The following CHD3 variants were observed in gnomAD, a reference collection of about 807,000 sequenced individuals.
CHD3 encodes ATP-dependent chromatin remodeler CHD3.
A neutral mutation model predicts 248.9 loss-of-function variants in CHD3; 52 were observed. That is an observed-to-expected ratio of 0.21 (90% confidence interval 0.17 to 0.26). The LOEUF (loss-of-function observed/expected upper bound fraction) is 0.26, where lower values mean the gene tolerates loss of function less well. CHD3 is among the 10% of genes least tolerant of loss of function. The pLI is 1.00. For missense variants in CHD3, 1,482 were observed against 2,605.8 expected (o/e 0.57, Z 9.39); for synonymous variants, 985 against 985.2 (o/e 1.00, Z 0.00).
At chr17:7,888,715 T>TA, upstream of CHD3, 1 of 742,686 alleles carries the variant, frequency 1.3e-6, no homozygotes, top group Non-Finnish European at 1.8e-6. Flanking sequence ...CCTGAGAGTG[T>TA]GTGTGGGTGT....
chr17:7,909,347 C>T lies in CHD3; in HGVS notation c.5590+9C>T, dbSNP rs1222176853. ...CGCCGTCCTGCACAAGGGTAAGGGC[C>T]GCGGCGGCCCCGCGCGGGGGAGGGC... is the stretch of plus-strand genomic sequence containing the variant. On this transcript the variant is annotated intron_variant, in intron 37 of 39. Transcript: ENST00000330494. This position sits in a 1 kb window ranked among gnomAD's most constrained non-coding sequence, Gnocchi z 8.1. 3 of 1,537,712 alleles carry T rather than the reference C, an allele frequency of 2.0e-6. No homozygotes were observed. The highest frequency in any genetic ancestry group is 2.4e-5 in the South Asian group (2 of 83,254).
chr17:7,888,749 C>T, upstream of CHD3: 1 of 1,295,400 alleles, frequency 7.7e-7, no homozygotes, highest in Non-Finnish European at 9.9e-7. Flanking sequence ...CGCGCGCGTG[C>T]TTTTGAGAAG....
In CHD3 at chr17:7,904,638, G is replaced by A. The variant is rs202017045; in HGVS notation, c.4072+19G>A. The A allele has an allele frequency of 7.3e-5, 117 of 1,605,474 alleles. No homozygotes were observed. The highest frequency in any genetic ancestry group is 2.6e-5 in the Non-Finnish European group (31 of 1,173,482). On this transcript the variant is annotated intron_variant, in intron 25 of 39. Coordinates refer to ENST00000330494, the MANE Select transcript of CHD3 (RefSeq NM_001005273.3). This position sits in a 1 kb window ranked among gnomAD's most constrained non-coding sequence, Gnocchi z 4.4. The stretch of plus-strand genomic sequence containing the variant: ...GACCAAGGTGAGGACTGCCCCAGAT[G>A]CAGGCAGTAAAGGGGGGAAGTGATG...
At chr17:7,886,140 TG>T (rs545989391), upstream of CHD3, among the ~76,000 whole-genome samples, 4 of 152,174 alleles carry the variant, frequency 2.6e-5, no homozygotes, top group East Asian at 7.7e-4. This position sits in a 1 kb window ranked among gnomAD's most constrained non-coding sequence, Gnocchi z 4.2. Context: ...CTGAGCACGT[TG>T]GGGGGCGTGA....
Position 7,893,379 on chromosome 17 carries a change from C to T in CHD3, c.603C>T (p.Pro201=). 1.9e-6 allele frequency: 3 copies of T among 1,613,860 alleles called. No homozygotes were observed. Among genetic ancestry groups the T allele is most frequent in the South Asian group, 2.2e-5 (2 of 91,046 alleles). ...GGAGAGAGTTCAGTGCCAACAACCC[C>T]TTCAAGGGGTCAGCAGCTGCTGTGG... The part of the protein sequence containing the change: ...AKWREFSANN[P]FKGSAAAVAA... The change falls in exon 5 of 40, where the codon CCC becomes CCT. Residue 201 remains proline, a synonymous_variant. Coordinates refer to ENST00000330494, the MANE Select transcript of CHD3 (RefSeq NM_001005273.3).
At position 7,903,633 on chromosome 17, in the gene CHD3, C is replaced by A; in HGVS notation, c.3727+130C>A. The A allele has an allele frequency of 2.0e-6, 2 of 1,005,660 alleles. No individual in the cohort carries two copies. The highest frequency in any genetic ancestry group is 2.9e-6 in the Non-Finnish European group (2 of 687,978). The allele number at this position is 1,005,660 out of a possible 1,614,324, so 62.3% of individuals were successfully genotyped here. On this transcript the variant is annotated intron_variant, in intron 23 of 39. Coordinates refer to ENST00000330494, the MANE Select transcript of CHD3 (RefSeq NM_001005273.3). This position sits in a 1 kb window ranked among gnomAD's most constrained non-coding sequence, Gnocchi z 6.8. ...AGGAAGGAGAGCCTTCTTTTAGTAG[C>A]CCTTGGAGGAAGGTTGGCCTCTTTC...
At position 7,910,626 on chromosome 17, in the gene CHD3, G is replaced by C; in HGVS notation, c.5754+35G>C. 6.3e-7 allele frequency: 1 copy of C among 1,590,654 alleles called. No individual in the cohort carries two copies. Among genetic ancestry groups the C allele is most frequent in the Non-Finnish European group, 8.5e-7 (1 of 1,170,186 alleles). On this transcript the variant is annotated intron_variant, in intron 38 of 39. Transcript: ENST00000330494. This position sits in a 1 kb window ranked among gnomAD's most constrained non-coding sequence, Gnocchi z 4.7. The stretch of plus-strand genomic sequence containing the variant: ...TTTCCCCCTAGCTCCAGTTTTCCCT[G>C]TTTGTGTTCCTCCTGCACACATACA...
Position 7,911,511 on chromosome 17 carries a change from G to A in CHD3, c.5929G>A (p.Val1977Met), listed in dbSNP as rs138058125. The A allele has an allele frequency of 6.2e-7, 1 of 1,614,082 alleles. No individual in the cohort carries two copies. The highest frequency in any genetic ancestry group is 1.1e-5 in the South Asian group (1 of 91,096). ...GCTTGTGAAGAAGGAGAAGGAAATG[G>A]TGGGGGCATTGGTGTCAGACGGGCT... The part of the protein sequence containing the change: ...PVLVKKEKEM[V>M]GALVSDGLDR... Residue 1977 changes from valine (V) to methionine (M), a missense_variant, in exon 40 of 40, where the codon GTG becomes ATG. Val to Met is a conservative substitution (Grantham distance 21, BLOSUM62 1). Coordinates refer to ENST00000330494, the MANE Select transcript of CHD3 (RefSeq NM_001005273.3). The surrounding 1 kb of genome is among the most constrained non-coding windows in gnomAD (Gnocchi z 5.4).
rs762127995 is a variant in CHD3 at position 7,898,608 on chromosome 17, A to G, written c.2151+13A>G. 1.9e-6 allele frequency: 3 copies of G among 1,596,120 alleles called. No individual in the cohort carries two copies. The Admixed American group carries it at 5.1e-5, about 27-fold the overall frequency. ...TCCCACTAATGATGTGAGTCCTCTC[A>G]GTTGTCATTTCTTGTTTCTGGAGTG... On this transcript the variant is annotated intron_variant, in intron 13 of 39. Coordinates refer to ENST00000330494, the MANE Select transcript of CHD3 (RefSeq NM_001005273.3).
In CHD3 at chr17:7,908,297, C is replaced by T. The variant is rs9899375; in HGVS notation, c.5153-105C>T. ...CTTTACCCATTCCTCTTCAGGAGCC[C>T]TTAGTTCCCTTTCATTATTCAGTTT... is the stretch of plus-strand genomic sequence containing the variant. On this transcript the variant is annotated intron_variant, in intron 34 of 39. Coordinates refer to ENST00000330494, the MANE Select transcript of CHD3 (RefSeq NM_001005273.3). This position sits in a 1 kb window ranked among gnomAD's most constrained non-coding sequence, Gnocchi z 5.8. 1.9e-3 allele frequency: 1,841 copies of T among 969,130 alleles called. 20 individuals carry two copies. In the African/African-American group the frequency reaches 0.027, roughly 14 times the overall value. The allele number at this position is 969,130 out of a possible 1,614,324, so 60.0% of individuals were successfully genotyped here.
At chr17:7,893,242 G>T in intron 4 of CHD3, 44 bp from the exon 5 acceptor site, 2 of 1,543,334 alleles carry the variant, frequency 1.3e-6, no homozygotes, top group African/African-American at 1.4e-5. Context: ...AGTGTTCCCA[G>T]ACCATCTGTG....
chr17:7,898,248 G>A, intron 12 of CHD3, 146 bp downstream of exon 12: 1 of 968,854 alleles, frequency 1.0e-6, no homozygotes, highest in Non-Finnish European at 1.5e-6. Flanking sequence ...TTTGAGATAG[G>A]CTTGCTAAAG....
Position 7,904,439 on chromosome 17 carries a change from C to G in CHD3, c.3895-3C>G. On this transcript the variant is annotated splice_region_variant and splice_polypyrimidine_tract_variant and intron_variant, in intron 24 of 39. Coordinates refer to ENST00000330494, the MANE Select transcript of CHD3 (RefSeq NM_001005273.3). The surrounding 1 kb of genome is among the most constrained non-coding windows in gnomAD (Gnocchi z 4.4). ...AGTGTTCATTCATTCTGTTGCCCTT[C>G]AGATTGAGGAAATTGAGCGAGAGAT... 1 of 1,611,538 alleles carries G rather than the reference C, an allele frequency of 6.2e-7. No individual in the cohort carries two copies. The highest frequency in any genetic ancestry group is 8.5e-7 in the Non-Finnish European group (1 of 1,178,168).
chr17:7,892,294 A>G (rs546657180), intron 4 of CHD3, among the ~76,000 whole-genome samples: 1 of 152,238 alleles, frequency 6.6e-6, no homozygotes, highest in South Asian at 2.1e-4. Context: ...ACGGAAGCCC[A>G]TCTTCAGGGC....
At position 7,911,734 on chromosome 17, in the gene CHD3, C is replaced by G; in HGVS notation, c.*149C>G. On this transcript the variant is annotated 3_prime_UTR_variant, in exon 40 of 40. Transcript: ENST00000330494. The surrounding 1 kb of genome is among the most constrained non-coding windows in gnomAD (Gnocchi z 5.4). ...CCCTTTGCCCCTCTCTGCAGCTCCT[C>G]TCTTCAAGAAGGGCCCTTTGTCTTT... is the stretch of plus-strand genomic sequence containing the variant. 6.5e-7 allele frequency: 1 copy of G among 1,540,660 alleles called. No individual in the cohort carries two copies. The highest frequency in any genetic ancestry group is 8.8e-7 in the Non-Finnish European group (1 of 1,140,354).
rs34196029 is a variant in CHD3, at chr17:7,892,496, C to CTTT, written c.510-773_510-771dup. ...TTTATTTCGCTGTTTTTTATTTCCC[C>CTTT]TTTTTTTTTTTTTTTTTTTGAGATG... On this transcript the variant is annotated intron_variant, in intron 4 of 39. Coordinates refer to ENST00000330494, the MANE Select transcript of CHD3 (RefSeq NM_001005273.3). Among the ~76,000 whole-genome samples, 9 of 112,460 alleles carry CTTT rather than the reference C, an allele frequency of 8.0e-5. 1 individual carries two copies. Among genetic ancestry groups the CTTT allele is most frequent in the South Asian group, 3.2e-4 (1 of 3,124 alleles). The allele number at this position is 112,460 out of a possible 152,430, so 73.8% of individuals were successfully genotyped here.
chr17:7,891,159 C>T (rs915419538), intron 4 of CHD3, 95 bp downstream of exon 4: 11 of 1,424,352 alleles, frequency 7.7e-6, no homozygotes, highest in Non-Finnish European at 8.8e-6. Flanking sequence ...TGAAACTGCT[C>T]TCCAGAGAAT....
At position 7,895,608 on chromosome 17, in the gene CHD3, C is replaced by A; in HGVS notation, c.1707+66C>A. 4 of 1,398,614 alleles carry A rather than the reference C, an allele frequency of 2.9e-6. No homozygotes were observed. The South Asian group carries it at 4.8e-5, about 17-fold the overall frequency. The allele number at this position is 1,398,614 out of a possible 1,614,324, so 86.6% of individuals were successfully genotyped here. A position where few individuals can be genotyped will look rare whatever the true frequency, so the allele number is the denominator to read the frequency against. ...TTCCTGCCATCCTCTCCCTCTCTTA[C>A]TCCTCTGTTTGTTGGGTTCCCATAC... is the stretch of plus-strand genomic sequence containing the variant. On this transcript the variant is annotated intron_variant, in intron 10 of 39. Transcript: ENST00000330494. This position sits in a 1 kb window ranked among gnomAD's most constrained non-coding sequence, Gnocchi z 4.9.
In CHD3 at chr17:7,908,067, TC is replaced by T. The variant is rs760435641; in HGVS notation, c.5152+50del. The stretch of plus-strand genomic sequence containing the variant: ...TCTGCTCCTCAAGGGGATCTGCTCA[TC>T]CTCATGGGGTTTCTCGTTTTGCCTG... On this transcript the variant is annotated intron_variant, in intron 34 of 39. Coordinates refer to ENST00000330494, the MANE Select transcript of CHD3 (RefSeq NM_001005273.3). The surrounding 1 kb of genome is among the most constrained non-coding windows in gnomAD (Gnocchi z 5.8). 8 of 1,548,430 alleles carry T rather than the reference TC, an allele frequency of 5.2e-6. No homozygotes were observed. Among genetic ancestry groups the T allele is most frequent in the Non-Finnish European group, 7.0e-6 (8 of 1,144,900 alleles).
Sources: gnomAD v4.1 joint callset for allele counts (sites outside exome capture counted in the v4.1 genomes callset) on GRCh38, gnomAD v4.1.1 for gene constraint, Gnocchi (gnomAD v3.1) non-coding constraint, MANE v1.5 for transcripts, NCBI Gene and HGNC (gene_info 2026-07-23, HGNC 2026-07-21) for gene names.